CACNA2D3: variants seen among roughly 807,000 people sequenced by gnomAD.
The protein encoded by CACNA2D3 is calcium voltage-gated channel auxiliary subunit alpha2delta 3, also known as voltage-dependent calcium channel subunit alpha-2/delta-3.
In CACNA2D3, 60 loss-of-function variants were observed where a neutral mutation model predicts 160.6. The ratio of observed to expected loss-of-function variants is 0.37; its 90% CI spans 0.30 to 0.46. The LOEUF (loss-of-function observed/expected upper bound fraction) is 0.46, where lower values mean the gene tolerates loss of function less well. Among genes scored for constraint, CACNA2D3 ranks in the 20% least tolerant of loss-of-function variants. The pLI, the probability that CACNA2D3 is intolerant of heterozygous loss-of-function variation, is 1.00. For missense variants in CACNA2D3, 1,205 were observed against 1,365.0 expected (o/e 0.88, Z 1.85); for synonymous variants, 558 against 492.9 (o/e 1.13, Z -1.75).
In CACNA2D3 at chr3:54,879,708, G is replaced by C. The variant is rs192150604; in HGVS notation, c.1844+297G>C. Among the ~76,000 whole-genome samples the C allele has an allele frequency of 3.0e-3, 453 of 152,242 alleles. 2 individuals carry two copies. Among genetic ancestry groups the C allele is most frequent in the Admixed American group, 4.3e-3 (65 of 15,294 alleles). ...GAAGACAAGTGCAGAGGGTTACCAG[G>C]GTCCTTAACTATTGAACTTGCTGCT... On this transcript the variant is annotated intron_variant, in intron 20 of 37. Coordinates refer to ENST00000474759, the MANE Select transcript of CACNA2D3 (RefSeq NM_018398.3).
intron 2 of CACNA2D3, among the ~76,000 whole-genome samples, chr3:54,149,930 T>TCTCTCTCTCTCTCC (rs1559863338): frequency 2.7e-4 from 11 of 40,454 alleles, no homozygotes; most frequent in Admixed American, 4.7e-4. Flanking sequence ...TCTCTCTCTC[T>TCTCTCTCTCTCTCC]CCCTCCCTCC....
At chr3:54,187,917 ACCGTGGT>A (rs1231924886) in intron 2 of CACNA2D3, among the ~76,000 whole-genome samples, 2 of 152,194 alleles carry the variant, frequency 1.3e-5, no homozygotes, top group Non-Finnish European at 2.9e-5. Context: ...ACAGACCAGT[ACCGTGGT>A]CCGTGGTCCG....
At position 54,384,092 on chromosome 3, in the gene CACNA2D3, A is replaced by G. The variant is rs571957995; in HGVS notation, c.322-2623A>G. ...TCCTGTTCTCTTTTTTGTTGGTCCT[A>G]CATGACTTTATTATTATTTTTTCCT... On this transcript the variant is annotated intron_variant, in intron 3 of 37. Coordinates refer to ENST00000474759, the MANE Select transcript of CACNA2D3 (RefSeq NM_018398.3). Among the ~76,000 whole-genome samples, 7 of 152,234 alleles carry G rather than the reference A, an allele frequency of 4.6e-5. No individual in the cohort carries two copies. In the South Asian group the frequency reaches 1.2e-3, roughly 27 times the overall value.
At chr3:54,481,476 G>A (rs566168013) in intron 4 of CACNA2D3, among the ~76,000 whole-genome samples, 49 of 152,280 alleles carry the variant, frequency 3.2e-4, no homozygotes, top group Non-Finnish European at 4.9e-4. Flanking sequence ...CCTGGCTTCC[G>A]TGGCTTCTCT....
intron 11 of CACNA2D3, among the ~76,000 whole-genome samples, chr3:54,648,364 T>A (rs1279977990): frequency 6.6e-6 from 1 of 152,270 alleles, no homozygotes; most frequent in African/African-American, 2.4e-5. Context: ...CTATGGCTGA[T>A]GGCAGAATTC....
intron 2 of CACNA2D3, among the ~76,000 whole-genome samples, chr3:54,221,298 CA>C (rs1386695576): frequency 1.5e-4 from 23 of 152,326 alleles, no homozygotes; most frequent in Non-Finnish European, 1.3e-4. Flanking sequence ...ATGGTACCGT[CA>C]TGACTAAAAA....
intron 25 of CACNA2D3, among the ~76,000 whole-genome samples, chr3:54,893,091 C>T (rs1399759139): frequency 1.3e-5 from 2 of 152,156 alleles, no homozygotes; most frequent in South Asian, 2.1e-4. Flanking sequence ...GCCTGGTCAA[C>T]ATGGTGAAAC....
At chr3:54,252,771 C>CG (rs566571682) in intron 2 of CACNA2D3, among the ~76,000 whole-genome samples, 363 of 152,318 alleles carry the variant, frequency 2.4e-3, no homozygotes, top group Non-Finnish European at 4.1e-3. Context: ...GCTTCCTGTG[C>CG]TCCTACCATC....
intron 35 of CACNA2D3, among the ~76,000 whole-genome samples, chr3:55,059,080 ACTTT>A (rs1704436992): frequency 3.3e-5 from 5 of 152,222 alleles, no homozygotes; most frequent in Admixed American, 3.3e-4. Flanking sequence ...TCACACTTTG[ACTTT>A]GCCAGATCAC....
At chr3:55,008,334 A>T (rs3912834) in intron 33 of CACNA2D3, among the ~76,000 whole-genome samples, 1 of 152,112 alleles carries the variant, frequency 6.6e-6, no homozygotes, top group African/African-American at 2.4e-5. Flanking sequence ...GGTTGCATCT[A>T]TGACTTAGAT....
At chr3:54,136,158 TC>T (rs1169625679) in intron 2 of CACNA2D3, among the ~76,000 whole-genome samples, 1 of 152,236 alleles carries the variant, frequency 6.6e-6, no homozygotes, top group Non-Finnish European at 1.5e-5. Context: ...AAAATGTTCC[TC>T]CAGTGCATCT....
intron 5 of CACNA2D3, among the ~76,000 whole-genome samples, chr3:54,556,901 G>T (rs191800481): frequency 5.3e-4 from 80 of 152,310 alleles, no homozygotes; most frequent in Admixed American, 1.5e-3. Context: ...TATATGTGGG[G>T]CATGGACAGC....
At chr3:54,399,965 A>T (rs1247133541) in intron 4 of CACNA2D3, among the ~76,000 whole-genome samples, 1 of 117,420 alleles carries the variant, frequency 8.5e-6, no homozygotes, top group Non-Finnish European at 1.8e-5. Flanking sequence ...CCGTGGGCGT[A>T]GGACCCTCTG....
chr3:54,389,152 G>A (rs1013773161), intron 4 of CACNA2D3, among the ~76,000 whole-genome samples: 2 of 152,074 alleles, frequency 1.3e-5, no homozygotes, highest in African/African-American at 2.4e-5. Flanking sequence ...AAAATTAGCC[G>A]GGCATGGTGG....
chr3:54,350,982 G>T (rs55670354), intron 3 of CACNA2D3, among the ~76,000 whole-genome samples: 39,726 of 60,850 alleles, frequency 0.65, 11,796 homozygotes, highest in Non-Finnish European at 0.69. Flanking sequence ...TTTTTTTTTT[G>T]TTTGTTTTTT....
At chr3:54,757,800 T>C (rs1457576329) in intron 12 of CACNA2D3, among the ~76,000 whole-genome samples, 1 of 152,184 alleles carries the variant, frequency 6.6e-6, no homozygotes, top group Non-Finnish European at 1.5e-5. Context: ...AGAAGGAAAC[T>C]GAGGCTGAGC....
chr3:54,203,508 C>T (rs1385265352), intron 2 of CACNA2D3, among the ~76,000 whole-genome samples: 1 of 152,176 alleles, frequency 6.6e-6, no homozygotes, highest in East Asian at 1.9e-4. Flanking sequence ...TTCTGTATCC[C>T]GGGTTCTTGC....
intron 13 of CACNA2D3, among the ~76,000 whole-genome samples, chr3:54,776,948 A>G (rs1227157394): frequency 6.6e-6 from 1 of 152,226 alleles, no homozygotes; most frequent in South Asian, 2.1e-4. Context: ...TTCATGGCCC[A>G]GATATTTGGG....
chr3:54,980,779 T>C (rs1242178892), intron 29 of CACNA2D3, among the ~76,000 whole-genome samples: 1 of 152,218 alleles, frequency 6.6e-6, no homozygotes, highest in East Asian at 1.9e-4. Flanking sequence ...AAAGAAGCAG[T>C]TTATGACCTT....
Sources: allele counts gnomAD v4.1 joint callset (sites outside exome capture counted in the v4.1 genomes callset), GRCh38; gene constraint gnomAD v4.1.1; transcripts MANE v1.5; gene names NCBI Gene and HGNC (gene_info 2026-07-23, HGNC 2026-07-21).